PCNX1: variants seen among roughly 807,000 people sequenced by gnomAD.
PCNX1 encodes the protein pecanex-like protein 1.
A neutral mutation model predicts 242.2 loss-of-function variants in PCNX1; 78 were observed. That is an observed-to-expected ratio of 0.32 (90% CI 0.27 to 0.39). PCNX1 has a LOEUF of 0.39. Ranked by LOEUF, PCNX1 falls within the 10% of genes least tolerant of loss-of-function variation. The pLI, the probability that PCNX1 is intolerant of heterozygous loss-of-function variation, is 1.00. For synonymous variants in PCNX1, 1,024 were observed against 1,032.9 expected, an observed-to-expected ratio of 0.99 and a Z score of 0.17; for missense variants, 2,581 against 2,856.5, an observed-to-expected ratio of 0.90 and a Z score of 2.20.
chr14:70,919,626 T>C (rs2056289353), intron 1 of PCNX1, among the ~76,000 whole-genome samples: 1 of 145,228 alleles, frequency 6.9e-6, no homozygotes, highest in Non-Finnish European at 1.5e-5. Flanking sequence ...AGATGAACTT[T>C]ACTAAATCCA....
rs1170260895 is a variant in PCNX1, at chr14:71,110,843, G to A, written c.*908G>A. On this transcript the variant is annotated 3_prime_UTR_variant, in exon 36 of 36. Transcript: ENST00000304743. Reference sequence around the variant, plus strand: ...GCTCTGCTTCTCTCCACCAGAGCAAGCTCTGCTGGGCGTGCTTCTGGGAAG... The same window carrying A: ...GCTCTGCTTCTCTCCACCAGAGCAAACTCTGCTGGGCGTGCTTCTGGGAAG... 6.5e-6 allele frequency: 1 copy of A among 152,680 alleles called. No homozygotes were observed. The highest frequency in any genetic ancestry group is 2.4e-5 in the African/African-American group (1 of 41,458). The allele number at this position is 152,680 out of a possible 1,614,324, so 9.5% of individuals were successfully genotyped here.
intron 28 of PCNX1, among the ~76,000 whole-genome samples, chr14:71,086,389 A>C (rs1396626594): frequency 1.3e-5 from 2 of 152,198 alleles, no homozygotes; most frequent in African/African-American, 4.8e-5. Flanking sequence ...ATTAGATGCC[A>C]GTCTTTATGA....
intron 8 of PCNX1, among the ~76,000 whole-genome samples, chr14:70,997,222 T>G (rs530267998): frequency 3.3e-5 from 5 of 152,290 alleles, no homozygotes; most frequent in African/African-American, 1.2e-4. Flanking sequence ...GTAATAACTT[T>G]ATATTGCTAT....
intron 30 of PCNX1, among the ~76,000 whole-genome samples, chr14:71,096,307 ACT>A (rs1239834443): frequency 3.3e-5 from 5 of 151,320 alleles, no homozygotes; most frequent in African/African-American, 1.2e-4. Context: ...ACAGAGCTAG[ACT>A]CTGTCTCAAA....
intron 1 of PCNX1, among the ~76,000 whole-genome samples, chr14:70,938,685 A>T (rs944384723): frequency 6.6e-5 from 10 of 152,088 alleles, no homozygotes; most frequent in Non-Finnish European, 8.8e-5. Flanking sequence ...TATTGATTGG[A>T]ATAGTTTCAG....
At chr14:71,080,166 A>C (rs2061818245) in intron 28 of PCNX1, among the ~76,000 whole-genome samples, 1 of 152,166 alleles carries the variant, frequency 6.6e-6, no homozygotes, top group African/African-American at 2.4e-5. Context: ...CAGGTTTGTC[A>C]AAGATCAGAT....
chr14:70,988,764 A>C, intron 7 of PCNX1, 65 bp downstream of exon 7: 1 of 1,522,010 alleles, frequency 6.6e-7, no homozygotes, highest in South Asian at 1.2e-5. Context: ...CTGTTCCGCC[A>C]GTCCCAAGAA....
intron 26 of PCNX1, among the ~76,000 whole-genome samples, chr14:71,069,885 A>G (rs969573448): frequency 2.0e-5 from 3 of 152,180 alleles, no homozygotes; most frequent in Non-Finnish European, 2.9e-5. Flanking sequence ...TGCTACATTT[A>G]TTGACTCTTT....
chr14:70,970,232 G>T (rs903885278), intron 5 of PCNX1, among the ~76,000 whole-genome samples: 2 of 151,814 alleles, frequency 1.3e-5, no homozygotes, highest in Admixed American at 6.6e-5. Context: ...CGGGCATGAT[G>T]GTGTGTGCCT....
At chr14:71,089,829 T>G (rs1338966433) in intron 30 of PCNX1, among the ~76,000 whole-genome samples, 1 of 152,158 alleles carries the variant, frequency 6.6e-6, no homozygotes, top group African/African-American at 2.4e-5. Context: ...TATTCTGATC[T>G]GAATAAAAGA....
intron 26 of PCNX1, among the ~76,000 whole-genome samples, chr14:71,068,591 C>CATGTGTGTGT (rs375921556): frequency 8.1e-6 from 1 of 124,032 alleles, no homozygotes; most frequent in African/African-American, 3.3e-5. Context: ...TATGTACGTG[C>CATGTGTGTGT]GTGTGTGTGT....
intron 1 of PCNX1, among the ~76,000 whole-genome samples, chr14:70,921,810 CTCTG>C (rs1377247531): frequency 1.1e-4 from 16 of 152,162 alleles, no homozygotes; most frequent in Non-Finnish European, 2.1e-4. Context: ...TCTGTACATA[CTCTG>C]TCTCTCTTAC....
rs779794206 is a variant in PCNX1 at position 71,057,499 on chromosome 14, CTT to C, written c.4637-6_4637-5del. The stretch of plus-strand genomic sequence containing the variant: ...TTAAATTTAACTTTTTTTAAAATCT[CTT>C]TTTATAGGATCAGATGACAACAATC... On this transcript the variant is annotated splice_region_variant and splice_polypyrimidine_tract_variant and intron_variant, in intron 25 of 35. Coordinates refer to ENST00000304743, the MANE Select transcript of PCNX1 (RefSeq NM_014982.3). The C allele has an allele frequency of 1.3e-6, 2 of 1,585,378 alleles. No homozygotes were observed. The highest frequency in any genetic ancestry group is 1.7e-6 in the Non-Finnish European group (2 of 1,157,806).
intron 3 of PCNX1, among the ~76,000 whole-genome samples, chr14:70,967,703 AAAG>A (rs2058421976): frequency 6.6e-6 from 1 of 152,158 alleles, no homozygotes; most frequent in Non-Finnish European, 1.5e-5. Context: ...GTCTCCAACT[AAAG>A]AAGGTACATA....
At chr14:71,039,236 T>TA (rs909198254) in intron 19 of PCNX1, among the ~76,000 whole-genome samples, 13 of 151,638 alleles carry the variant, frequency 8.6e-5, no homozygotes, top group Non-Finnish European at 1.9e-4. Context: ...AAAAAAAAAT[T>TA]AAAAAAACAA....
At chr14:70,914,617 A>G (rs1426509264) in intron 1 of PCNX1, among the ~76,000 whole-genome samples, 1 of 152,196 alleles carries the variant, frequency 6.6e-6, no homozygotes, top group Non-Finnish European at 1.5e-5. Flanking sequence ...TCAACATTTT[A>G]TTAAAGAATT....
intron 28 of PCNX1, among the ~76,000 whole-genome samples, chr14:71,087,007 C>T (rs549075816): frequency 1.6e-4 from 25 of 152,098 alleles, no homozygotes; most frequent in Non-Finnish European, 3.1e-4. Flanking sequence ...AAAAATTTCT[C>T]ATCACAGAAA....
rs780396004 is a variant in PCNX1 at position 70,907,948 on chromosome 14, C to A, written c.98C>A (p.Ala33Glu). 2 of 1,597,772 alleles carry A rather than the reference C, an allele frequency of 1.3e-6. No individual in the cohort carries two copies. Among genetic ancestry groups the A allele is most frequent in the Non-Finnish European group, 8.5e-7 (1 of 1,173,396 alleles). Reference sequence around the variant, plus strand: ...CCGCACCAGGCCACCTTCGTGAACGCGCTGCACCTCTACCTGTGGCTCTTT... The same window carrying A: ...CCGCACCAGGCCACCTTCGTGAACGAGCTGCACCTCTACCTGTGGCTCTTT... ...YDPHQATFVN[A>E]LHLYLWLFLL... The change falls in exon 1 of 36, where the codon GCG (alanine) becomes GAG (glutamate). Residue 33 changes from alanine to glutamate, a missense_variant. Ala to Glu is a moderately radical substitution (Grantham distance 107). Around this residue, in one of 9 missense-constraint regions of PCNX1, gnomAD observed 1,204 missense variants for 1,216.7 expected, o/e 0.99. Coordinates refer to ENST00000304743, the MANE Select transcript of PCNX1 (RefSeq NM_014982.3).
At chr14:70,994,405 A>G (rs4516152) in intron 7 of PCNX1, among the ~76,000 whole-genome samples, 17 of 57,218 alleles carry the variant, frequency 3.0e-4, no homozygotes, top group African/African-American at 1.1e-3. Flanking sequence ...AGATATATAT[A>G]TATATATATA....
Sources: allele counts gnomAD v4.1 joint callset (sites outside exome capture counted in the v4.1 genomes callset), GRCh38; gene constraint gnomAD v4.1.1; regional missense constraint gnomAD v4.1.1; transcripts MANE v1.5; gene names NCBI Gene and HGNC (gene_info 2026-07-23, HGNC 2026-07-21).